GFRAL: variants seen among roughly 807,000 people sequenced by gnomAD.
The protein encoded by GFRAL is GDNF family receptor alpha like.
GFRAL carries 36 observed loss-of-function variants against 45.4 expected under a neutral mutation model. That is an observed-to-expected ratio of 0.79 (90% CI 0.61 to 1.05). The LOEUF (loss-of-function observed/expected upper bound fraction) is 1.05. Ranked by LOEUF, GFRAL falls within the 50% of genes least tolerant of loss-of-function variation. The probability of loss-of-function intolerance (pLI) is 0.00; values close to 1 mark genes in which losing one functional copy is unlikely to be tolerated. For synonymous variants in GFRAL, 166 were observed against 154.1 expected, an observed-to-expected ratio of 1.08 and a Z score of -0.57; for missense variants, 507 against 467.5, an observed-to-expected ratio of 1.08 and a Z score of -0.78.
intron 3 of GFRAL, among the ~76,000 whole-genome samples, chr6:55,342,235 A>T (rs1248380400): frequency 2.0e-5 from 3 of 152,186 alleles, no homozygotes; most frequent in African/African-American, 7.2e-5. Context: ...GATTCACCAA[A>T]GTTGAAATGA....
chr6:55,339,350 A>T (rs1389435505), intron 3 of GFRAL, among the ~76,000 whole-genome samples: 1 of 152,128 alleles, frequency 6.6e-6, no homozygotes, highest in Non-Finnish European at 1.5e-5. Flanking sequence ...CTAAATTTGC[A>T]ATGATAAAAA....
At chr6:55,341,429 C>A (rs1308684012) in intron 3 of GFRAL, among the ~76,000 whole-genome samples, 1 of 152,164 alleles carries the variant, frequency 6.6e-6, no homozygotes, top group Non-Finnish European at 1.5e-5. Context: ...GAGTGGACCT[C>A]CAGCAAAGTC....
intron 1 of GFRAL, among the ~76,000 whole-genome samples, chr6:55,330,868 G>A (rs115883056): frequency 0.013 from 1,983 of 152,240 alleles, 23 homozygotes; most frequent in Non-Finnish European, 0.022. Flanking sequence ...CAAAGTGAAA[G>A]TCAATAAATT....
intron 6 of GFRAL, among the ~76,000 whole-genome samples, chr6:55,363,892 A>T (rs933049427): frequency 2.0e-5 from 3 of 151,436 alleles, no homozygotes; most frequent in African/African-American, 7.3e-5. Context: ...ATGTCGCAAT[A>T]AACATACGTG....
At chr6:55,337,568 C>T (rs1767908643) in intron 3 of GFRAL, among the ~76,000 whole-genome samples, 1 of 152,132 alleles carries the variant, frequency 6.6e-6, no homozygotes, top group African/African-American at 2.4e-5. Context: ...AATATAAATT[C>T]AATGTGTTAA....
intron 5 of GFRAL, among the ~76,000 whole-genome samples, chr6:55,353,217 T>A (rs2127355801): frequency 6.6e-6 from 1 of 152,160 alleles, no homozygotes; most frequent in Non-Finnish European, 1.5e-5. Flanking sequence ...GTGTGTGATT[T>A]GTCATATTTG....
At chr6:55,342,528 T>C (rs1019107978) in intron 3 of GFRAL, among the ~76,000 whole-genome samples, 1 of 152,086 alleles carries the variant, frequency 6.6e-6, no homozygotes, top group African/African-American at 2.4e-5. Context: ...AAGGAAGCAC[T>C]AAACATGGAA....
intron 6 of GFRAL, among the ~76,000 whole-genome samples, chr6:55,384,177 T>C (rs916678719): frequency 6.6e-6 from 1 of 151,674 alleles, no homozygotes; most frequent in African/African-American, 2.4e-5. Context: ...ATGTAGATGA[T>C]GGGTTGATAG....
At chr6:55,381,424 T>C (rs1768605908) in intron 6 of GFRAL, among the ~76,000 whole-genome samples, 1 of 151,926 alleles carries the variant, frequency 6.6e-6, no homozygotes, top group South Asian at 2.1e-4. Context: ...TTCATCTTAC[T>C]TGTCTGCATT....
chr6:55,402,065 C>A lies in GFRAL; in HGVS notation c.*212C>A. On this transcript the variant is annotated 3_prime_UTR_variant, in exon 9 of 9. Coordinates refer to ENST00000340465, the MANE Select transcript of GFRAL (RefSeq NM_207410.2). ...AATCTCGGTTCACTGCAACCTCTGC[C>A]TCCAAGGTTCAAGTGATTTTCCTGC... The A allele has an allele frequency of 2.5e-6, 1 of 399,880 alleles. No individual in the cohort carries two copies. Among genetic ancestry groups the A allele is most frequent in the Non-Finnish European group, 4.4e-6 (1 of 228,606 alleles). 24.8% of individuals were successfully genotyped at this position (399,880 alleles called of 1,614,324 possible).
chr6:55,354,717 C>T (rs1768164233), intron 5 of GFRAL, among the ~76,000 whole-genome samples: 1 of 151,976 alleles, frequency 6.6e-6, no homozygotes, highest in Non-Finnish European at 1.5e-5. Context: ...TGGAAAACCA[C>T]TTCTTCAATG....
At position 55,384,892 on chromosome 6, in the gene GFRAL, T is replaced by G. The variant is rs573711471; in HGVS notation, c.953-14288T>G. On this transcript the variant is annotated intron_variant, in intron 6 of 8. Coordinates refer to ENST00000340465, the MANE Select transcript of GFRAL (RefSeq NM_207410.2). ...AAAAAAAAAAAAAGTCAGACTCAGC[T>G]ACGGAGTTAGCCTATGAGGAATGCT... is the stretch of plus-strand genomic sequence containing the variant. Among the ~76,000 whole-genome samples, 98 of 149,602 alleles carry G rather than the reference T, an allele frequency of 6.6e-4. 2 individuals are homozygous for G. The highest frequency in any genetic ancestry group is 2.3e-3 in the African/African-American group (93 of 40,872).
intron 6 of GFRAL, among the ~76,000 whole-genome samples, chr6:55,376,157 T>G (rs979334674): frequency 6.6e-6 from 1 of 152,030 alleles, no homozygotes; most frequent in African/African-American, 2.4e-5. Flanking sequence ...TAATGAATCA[T>G]ATTTATTGAC....
rs138536707 is a variant in GFRAL at position 55,327,553 on chromosome 6, G to T, written c.-2G>T. 4.1e-4 allele frequency: 661 copies of T among 1,612,896 alleles called. 2 individuals are homozygous for T. The African/African-American group carries it at 7.5e-3, about 18-fold the overall frequency. ...CAGGTGAACTGCCGTGAGTTGTCCAGCATGATAGTGTTTATTTTCTTGGGT... is the reference window on the plus strand; with the variant it reads ...CAGGTGAACTGCCGTGAGTTGTCCATCATGATAGTGTTTATTTTCTTGGGT... On this transcript the variant is annotated 5_prime_UTR_variant, in exon 1 of 9. Transcript: ENST00000340465.
chr6:55,372,833 GT>G (rs1222514086), intron 6 of GFRAL, among the ~76,000 whole-genome samples: 3 of 152,050 alleles, frequency 2.0e-5, no homozygotes, highest in Non-Finnish European at 2.9e-5. Context: ...GCAAATTTCC[GT>G]TGCATTTTTC....
At chr6:55,369,083 C>T (rs573931967) in intron 6 of GFRAL, among the ~76,000 whole-genome samples, 1 of 151,286 alleles carries the variant, frequency 6.6e-6, no homozygotes, top group Non-Finnish European at 1.5e-5. Flanking sequence ...GCTGTGCTAG[C>T]AATCAGCGAG....
At position 55,367,657 on chromosome 6, in the gene GFRAL, C is replaced by A. The variant is rs541374236; in HGVS notation, c.952+8519C>A. The stretch of plus-strand genomic sequence containing the variant: ...GCCTGGTGGTGACAAAATCTCTCAG[C>A]ATTTGCTTGTCTGTAAAGTATTTTA... On this transcript the variant is annotated intron_variant, in intron 6 of 8. Coordinates refer to ENST00000340465, the MANE Select transcript of GFRAL (RefSeq NM_207410.2). Among the ~76,000 whole-genome samples, 856 of 150,474 alleles carry A rather than the reference C, an allele frequency of 5.7e-3. 8 individuals carry two copies. The highest frequency in any genetic ancestry group is 7.9e-3 in the Non-Finnish European group (538 of 67,766).
At chr6:55,346,792 G>A (rs954137309) in intron 3 of GFRAL, among the ~76,000 whole-genome samples, 2 of 135,390 alleles carry the variant, frequency 1.5e-5, no homozygotes, top group Non-Finnish European at 3.2e-5. Flanking sequence ...TATCTTGGTG[G>A]AAATAACCTA....
At chr6:55,377,559 GC>G (rs1442742920) in intron 6 of GFRAL, among the ~76,000 whole-genome samples, 35 of 152,098 alleles carry the variant, frequency 2.3e-4, no homozygotes, top group African/African-American at 8.2e-4. Flanking sequence ...ATTTTTAGGG[GC>G]CAGTCATAAG....
Sources: allele counts gnomAD v4.1 joint callset (sites outside exome capture counted in the v4.1 genomes callset), GRCh38; gene constraint gnomAD v4.1.1; transcripts MANE v1.5; gene names NCBI Gene and HGNC (gene_info 2026-07-23, HGNC 2026-07-21).